Variants in PDCD1LG2 observed in about 807,000 individuals in gnomAD.
PDCD1LG2 encodes B7 dendritic cell molecule.
A neutral mutation model predicts 28.2 loss-of-function variants in PDCD1LG2; 32 were observed. The ratio of observed to expected loss-of-function variants is 1.13; its 90% CI spans 0.86 to 1.52. PDCD1LG2 has a LOEUF of 1.52. Among genes scored for constraint, PDCD1LG2 ranks in the 40% most tolerant of loss-of-function variants. The pLI is 0.00. For synonymous variants in PDCD1LG2, 116 were observed against 120.2 expected, an observed-to-expected ratio of 0.97 and a Z score of 0.23; for missense variants, 385 against 323.8, an observed-to-expected ratio of 1.19 and a Z score of -1.45.
At chr9:5,548,927 G>T (rs181449488) in intron 3 of PDCD1LG2, among the ~76,000 whole-genome samples, 3 of 152,142 alleles carry the variant, frequency 2.0e-5, no homozygotes, top group African/African-American at 7.2e-5. Context: ...CCTCTTTCTG[G>T]CCTCCAATTG....
At chr9:5,558,297 G>A (rs750409218) in intron 5 of PDCD1LG2, among the ~76,000 whole-genome samples, 5 of 152,312 alleles carry the variant, frequency 3.3e-5, no homozygotes, top group Non-Finnish European at 7.4e-5. Flanking sequence ...AGCTCCCTTC[G>A]AGTTTCTCCT....
intron 4 of PDCD1LG2, among the ~76,000 whole-genome samples, chr9:5,553,147 GA>G (rs2129898715): frequency 6.6e-6 from 1 of 152,224 alleles, no homozygotes; most frequent in East Asian, 1.9e-4. Flanking sequence ...GAGGGGAGAG[GA>G]GGTAGGGAGG....
At chr9:5,517,692 C>G (rs977322672) in intron 1 of PDCD1LG2, among the ~76,000 whole-genome samples, 2 of 152,218 alleles carry the variant, frequency 1.3e-5, no homozygotes, top group African/African-American at 2.4e-5. Flanking sequence ...GCAGAAATCA[C>G]CATGAGAAAT....
At chr9:5,566,029 A>G (rs1355505061) in intron 6 of PDCD1LG2, among the ~76,000 whole-genome samples, 1 of 152,170 alleles carries the variant, frequency 6.6e-6, no homozygotes, top group Non-Finnish European at 1.5e-5. Flanking sequence ...CAGGGCTTTG[A>G]CATTCCCACA....
chr9:5,565,617 T>C (rs1194981154), intron 6 of PDCD1LG2, among the ~76,000 whole-genome samples: 1 of 152,238 alleles, frequency 6.6e-6, no homozygotes, highest in Non-Finnish European at 1.5e-5. Flanking sequence ...TTCTGGCTGC[T>C]TCTATGTGTC....
intron 2 of PDCD1LG2, among the ~76,000 whole-genome samples, chr9:5,523,374 C>A (rs1820313545): frequency 6.6e-6 from 1 of 152,184 alleles, no homozygotes; most frequent in South Asian, 2.1e-4. Flanking sequence ...ATAGCCCCAG[C>A]CCCATGGGAA....
intron 2 of PDCD1LG2, among the ~76,000 whole-genome samples, chr9:5,528,204 G>C (rs1301131402): frequency 6.8e-6 from 1 of 147,790 alleles, no homozygotes; most frequent in Non-Finnish European, 1.5e-5. Context: ...ATGATATTAA[G>C]TATACATATA....
chr9:5,548,683 C>T (rs994202814), intron 3 of PDCD1LG2, among the ~76,000 whole-genome samples: 16 of 152,136 alleles, frequency 1.1e-4, no homozygotes, highest in Admixed American at 2.0e-4. Flanking sequence ...TGTGTATGAA[C>T]TGTGTGTGTT....
chr9:5,528,259 T>C (rs1820415983), intron 2 of PDCD1LG2, among the ~76,000 whole-genome samples: 1 of 147,798 alleles, frequency 6.8e-6, no homozygotes, highest in Admixed American at 6.8e-5. Flanking sequence ...ACATATTTTA[T>C]ATATTATATA....
intron 5 of PDCD1LG2, among the ~76,000 whole-genome samples, chr9:5,562,462 G>C (rs1281369506): frequency 6.6e-6 from 1 of 152,158 alleles, no homozygotes; most frequent in African/African-American, 2.4e-5. Context: ...ATACAGAGTG[G>C]TATAATGGGC....
chr9:5,564,094 G>T (rs1378642080), intron 6 of PDCD1LG2, among the ~76,000 whole-genome samples: 1 of 152,112 alleles, frequency 6.6e-6, no homozygotes, highest in African/African-American at 2.4e-5. Context: ...CATATATTTG[G>T]CTGAAGTAAG....
At chr9:5,539,452 T>C (rs1001039278) in intron 3 of PDCD1LG2, among the ~76,000 whole-genome samples, 3 of 152,222 alleles carry the variant, frequency 2.0e-5, no homozygotes, top group Admixed American at 6.5e-5. Context: ...AGCACCTTCG[T>C]TGATGTCTGG....
intron 3 of PDCD1LG2, among the ~76,000 whole-genome samples, chr9:5,541,179 C>G (rs1415454749): frequency 6.6e-6 from 1 of 152,072 alleles, no homozygotes; most frequent in African/African-American, 2.4e-5. Context: ...ATGATTAAAA[C>G]CCTCAGCAAA....
chr9:5,561,423 A>C (rs2129938951), intron 5 of PDCD1LG2, among the ~76,000 whole-genome samples: 1 of 152,348 alleles, frequency 6.6e-6, no homozygotes, highest in South Asian at 2.1e-4. Context: ...GAAAAGTTAT[A>C]TGACTTCCCA....
At chr9:5,564,673 A>G (rs1161635221) in intron 6 of PDCD1LG2, among the ~76,000 whole-genome samples, 1 of 152,134 alleles carries the variant, frequency 6.6e-6, no homozygotes, top group African/African-American at 2.4e-5. Flanking sequence ...AGATCATATC[A>G]AATCCTTCCC....
chr9:5,511,800 G>C (rs1041016602), intron 1 of PDCD1LG2, among the ~76,000 whole-genome samples: 1 of 152,140 alleles, frequency 6.6e-6, no homozygotes, highest in Non-Finnish European at 1.5e-5. Context: ...GTTGTCTGCT[G>C]CTTCAGGGTG....
chr9:5,522,508 T>G, intron 1 of PDCD1LG2, 25 bp from the exon 2 acceptor site: 1 of 1,592,356 alleles, frequency 6.3e-7, no homozygotes, highest in Non-Finnish European at 8.6e-7. Context: ...CACAAGGCCC[T>G]GAGACTTTCA....
chr9:5,562,726 C>G (rs1369549037), intron 5 of PDCD1LG2, among the ~76,000 whole-genome samples: 1 of 152,196 alleles, frequency 6.6e-6, no homozygotes, highest in Non-Finnish European at 1.5e-5. Context: ...TGCTTCTGAA[C>G]CAGTAACTTG....
intron 2 of PDCD1LG2, among the ~76,000 whole-genome samples, chr9:5,524,704 T>C (rs995014024): frequency 6.6e-6 from 1 of 151,692 alleles, no homozygotes; most frequent in African/African-American, 2.4e-5. Context: ...GGGGAGGAGG[T>C]CTGGGATGGG....
Sources: allele counts gnomAD v4.1 joint callset (sites outside exome capture counted in the v4.1 genomes callset), GRCh38; gene constraint gnomAD v4.1.1; transcripts MANE v1.5; gene names NCBI Gene and HGNC (gene_info 2026-07-23, HGNC 2026-07-21).